Variants in ELP4 observed in about 807,000 individuals in gnomAD.
The protein encoded by ELP4 is elongator acetyltransferase complex subunit 4, also known as elongator complex protein 4.
A neutral mutation model predicts 48.9 loss-of-function variants in ELP4; 51 were observed. The observed-to-expected ratio is 1.04, with a 90% confidence interval of 0.83 to 1.32. The LOEUF (loss-of-function observed/expected upper bound fraction) is 1.32, where lower values mean the gene tolerates loss of function less well. Among genes scored for constraint, ELP4 ranks in the 40% most tolerant of loss-of-function variants. The pLI is 0.00. For synonymous variants in ELP4, 210 were observed against 189.2 expected, an observed-to-expected ratio of 1.11 and a Z score of -0.90; for missense variants, 519 against 514.6, an observed-to-expected ratio of 1.01 and a Z score of -0.08.
chr11:31,751,251 A>G (rs1482768924), intron 9 of ELP4, among the ~76,000 whole-genome samples: 3 of 152,240 alleles, frequency 2.0e-5, no homozygotes, highest in Non-Finnish European at 4.4e-5. Context: ...AACAAAGCCT[A>G]AAGTTCTTTT....
intron 3 of ELP4, among the ~76,000 whole-genome samples, chr11:31,588,141 A>G (rs1390937602): frequency 1.3e-5 from 2 of 152,130 alleles, no homozygotes; most frequent in Admixed American, 6.5e-5. Flanking sequence ...TTGATTCAAC[A>G]TTATTTTCCA....
At chr11:31,696,387 C>T (rs1006799328) in intron 9 of ELP4, among the ~76,000 whole-genome samples, 19 of 152,120 alleles carry the variant, frequency 1.2e-4, no homozygotes, top group Admixed American at 2.0e-4. Context: ...TCATTGGTTT[C>T]GAAGAACATC....
chr11:31,566,294 G>A (rs1163856338), intron 3 of ELP4, among the ~76,000 whole-genome samples: 4 of 151,750 alleles, frequency 2.6e-5, no homozygotes, highest in Non-Finnish European at 4.4e-5. Flanking sequence ...GGAGGCAGAG[G>A]TTGCAGTGAG....
At chr11:31,627,075 C>A in intron 5 of ELP4, 35 bp from the exon 6 acceptor site, 1 of 1,209,820 alleles carries the variant, frequency 8.3e-7, no homozygotes. Context: ...TGTAATAACC[C>A]ATTTATGTAT....
At chr11:31,730,657 T>G (rs1947166991) in intron 9 of ELP4, among the ~76,000 whole-genome samples, 1 of 152,150 alleles carries the variant, frequency 6.6e-6, no homozygotes, top group Non-Finnish European at 1.5e-5. Flanking sequence ...ATTAGGGCAC[T>G]GAGAGCAAGA....
At chr11:31,549,075 G>A (rs1177138185) in intron 3 of ELP4, among the ~76,000 whole-genome samples, 2 of 151,972 alleles carry the variant, frequency 1.3e-5, no homozygotes, top group African/African-American at 4.8e-5. Flanking sequence ...CATAGGCATG[G>A]GCAAGGACTT....
chr11:31,619,705 G>A (rs1488786316), intron 5 of ELP4, among the ~76,000 whole-genome samples: 1 of 151,320 alleles, frequency 6.6e-6, no homozygotes, highest in African/African-American at 2.4e-5. Context: ...GTAAGTGCAG[G>A]TTTGTTACAT....
At chr11:31,625,090 A>G (rs1944711476) in intron 5 of ELP4, among the ~76,000 whole-genome samples, 1 of 151,710 alleles carries the variant, frequency 6.6e-6, no homozygotes, top group South Asian at 2.1e-4. Flanking sequence ...TACATAAGCC[A>G]GTAAAGTAAT....
intron 9 of ELP4, among the ~76,000 whole-genome samples, chr11:31,706,419 C>CCAG (rs1463149170): frequency 1.3e-5 from 2 of 151,276 alleles, no homozygotes; most frequent in Non-Finnish European, 2.9e-5. Flanking sequence ...TTGCTTGAAG[C>CCAG]CAGCACTTCA....
intron 7 of ELP4, among the ~76,000 whole-genome samples, chr11:31,638,460 A>T (rs1263313886): frequency 6.6e-6 from 1 of 151,814 alleles, no homozygotes; most frequent in African/African-American, 2.4e-5. Flanking sequence ...TAATAATTTG[A>T]TCTGTAGAAT....
intron 6 of ELP4, among the ~76,000 whole-genome samples, chr11:31,629,936 A>C (rs1352344500): frequency 1.3e-5 from 2 of 152,104 alleles, no homozygotes. Flanking sequence ...AAAAAAGAAT[A>C]ACCCATCATA....
At chr11:31,677,372 C>G (rs1402214530) in intron 9 of ELP4, among the ~76,000 whole-genome samples, 1 of 152,164 alleles carries the variant, frequency 6.6e-6, no homozygotes, top group Non-Finnish European at 1.5e-5. Flanking sequence ...AACTTGCAGA[C>G]TGTAGGTACA....
intron 9 of ELP4, among the ~76,000 whole-genome samples, chr11:31,688,145 T>A (rs1002316443): frequency 6.6e-6 from 1 of 152,218 alleles, no homozygotes; most frequent in Admixed American, 6.5e-5. Flanking sequence ...AAAAAACAGA[T>A]GCCTTATAGA....
chr11:31,714,081 G>C (rs1946794476), intron 9 of ELP4, among the ~76,000 whole-genome samples: 1 of 152,066 alleles, frequency 6.6e-6, no homozygotes, highest in African/African-American at 2.4e-5. Flanking sequence ...GTATAGAAAA[G>C]ACCAGCACTG....
chr11:31,549,235 C>T (rs1265898135), intron 3 of ELP4, among the ~76,000 whole-genome samples: 3 of 151,542 alleles, frequency 2.0e-5, no homozygotes, highest in Non-Finnish European at 4.4e-5. Context: ...GCAACCTACT[C>T]ATCTGACAAA....
At position 31,604,638 on chromosome 11, in the gene ELP4, A is replaced by G. The variant is rs189608538; in HGVS notation, c.653+731A>G. 1.6e-4 allele frequency among the ~76,000 whole-genome samples: 25 copies of G among 152,054 alleles called. No individual in the cohort carries two copies. In the East Asian group the frequency reaches 2.7e-3, roughly 16 times the overall value. On this transcript the variant is annotated intron_variant, in intron 5 of 9. Coordinates refer to ENST00000640961, the MANE Select transcript of ELP4 (RefSeq NM_019040.5). ...TATTTTCTTAAGCATTTGTAAAACCATTTTCAAAATGAGATGAGCTATTAA... is the reference window on the plus strand; with the variant it reads ...TATTTTCTTAAGCATTTGTAAAACCGTTTTCAAAATGAGATGAGCTATTAA...
intron 2 of ELP4, among the ~76,000 whole-genome samples, chr11:31,529,152 A>G (rs1399152371): frequency 6.6e-6 from 1 of 152,088 alleles, no homozygotes; most frequent in Non-Finnish European, 1.5e-5. Flanking sequence ...GATTAAATAA[A>G]CCAATGCATG....
chr11:31,599,014 G>A (rs1186752926), intron 4 of ELP4: 2 of 152,086 alleles, frequency 1.3e-5, no homozygotes, highest in Non-Finnish European at 1.5e-5. Context: ...TTTTCTTAAA[G>A]GCACTTATCA....
intron 9 of ELP4, among the ~76,000 whole-genome samples, chr11:31,698,164 G>T (rs1447849450): frequency 2.0e-5 from 3 of 152,018 alleles, no homozygotes; most frequent in African/African-American, 4.8e-5. Flanking sequence ...TATAAAATAT[G>T]CATAGTATAC....
Sources: gnomAD v4.1 joint callset for allele counts (sites outside exome capture counted in the v4.1 genomes callset) on GRCh38, gnomAD v4.1.1 for gene constraint, MANE v1.5 for transcripts, NCBI Gene and HGNC (gene_info 2026-07-23, HGNC 2026-07-21) for gene names.